The following PKNOX2 variants were observed in gnomAD, a reference collection of about 807,000 sequenced individuals.
PKNOX2 encodes the protein PBX/knotted 1 homeobox 2, also known as homeobox protein PKNOX2.
In PKNOX2, 14 loss-of-function variants were observed where a neutral mutation model predicts 53.1. That is an observed-to-expected ratio of 0.26 (90% CI 0.17 to 0.41). The LOEUF (loss-of-function observed/expected upper bound fraction) is 0.41, where lower values mean the gene tolerates loss of function less well. Ranked by LOEUF, PKNOX2 falls within the 10% of genes least tolerant of loss-of-function variation. The pLI, the probability that PKNOX2 is intolerant of heterozygous loss-of-function variation, is 1.00. For synonymous variants in PKNOX2, 257 were observed against 242.8 expected, an observed-to-expected ratio of 1.06 and a Z score of -0.54; for missense variants, 496 against 602.8, an observed-to-expected ratio of 0.82 and a Z score of 1.85.
intron 3 of PKNOX2, among the ~76,000 whole-genome samples, chr11:125,333,347 C>T (rs999064345): frequency 2.0e-5 from 3 of 151,968 alleles, no homozygotes; most frequent in Non-Finnish European, 4.4e-5. Context: ...GGAGTCCAAA[C>T]AAGCCAGTCT....
chr11:125,237,647 A>C (rs1039808388), intron 2 of PKNOX2, among the ~76,000 whole-genome samples: 1 of 152,138 alleles, frequency 6.6e-6, no homozygotes, highest in Non-Finnish European at 1.5e-5. Context: ...AATTCACAGA[A>C]TGTTTGAGTC....
At chr11:125,258,812 C>G (rs1306084036) in intron 2 of PKNOX2, 2 of 315,652 alleles carry the variant, frequency 6.3e-6, no homozygotes, top group East Asian at 1.2e-4. Flanking sequence ...CCCAAGTCCT[C>G]TTTAACCCAA....
intron 2 of PKNOX2, among the ~76,000 whole-genome samples, chr11:125,304,657 A>C (rs930085773): frequency 2.0e-5 from 3 of 152,338 alleles, no homozygotes; most frequent in African/African-American, 7.2e-5. Context: ...AAAAGCCCAT[A>C]AGCCCTGAGC....
chr11:125,373,570 TG>T (rs1294452022), intron 5 of PKNOX2, among the ~76,000 whole-genome samples: 1 of 152,224 alleles, frequency 6.6e-6, no homozygotes, highest in Non-Finnish European at 1.5e-5. Flanking sequence ...CCACATTCTG[TG>T]GGTGTCAGCC....
intron 2 of PKNOX2, among the ~76,000 whole-genome samples, chr11:125,273,164 A>G: frequency 6.6e-6 from 1 of 152,258 alleles, no homozygotes; most frequent in Non-Finnish European, 1.5e-5. Context: ...AGGCAGGCTC[A>G]GAGTTCAGGG....
chr11:125,271,731 A>G (rs1011519917), intron 2 of PKNOX2, among the ~76,000 whole-genome samples: 2 of 151,496 alleles, frequency 1.3e-5, no homozygotes, highest in African/African-American at 4.9e-5. Flanking sequence ...AAAAAAAAAA[A>G]TCCCCCAGGG....
At chr11:125,182,218 T>TC (rs1278575989) in intron 1 of PKNOX2, among the ~76,000 whole-genome samples, 1 of 152,026 alleles carries the variant, frequency 6.6e-6, no homozygotes, top group Non-Finnish European at 1.5e-5. Context: ...GTTTCTGTGG[T>TC]CCCCCCAGTC....
chr11:125,389,182 A>C (rs1953860747), intron 6 of PKNOX2, among the ~76,000 whole-genome samples: 1 of 150,610 alleles, frequency 6.6e-6, no homozygotes, highest in African/African-American at 2.5e-5. Context: ...GCAGCAAAGT[A>C]AGACTCCATT....
intron 3 of PKNOX2, among the ~76,000 whole-genome samples, chr11:125,346,398 C>G (rs1372808552): frequency 6.6e-6 from 1 of 152,196 alleles, no homozygotes; most frequent in Non-Finnish European, 1.5e-5. Flanking sequence ...AAAGGCTTCC[C>G]GAATGTTCTG....
chr11:125,248,330 G>C (rs1369921012), intron 2 of PKNOX2, among the ~76,000 whole-genome samples: 1 of 152,110 alleles, frequency 6.6e-6, no homozygotes, highest in South Asian at 2.1e-4. Context: ...ATTCTGCTTG[G>C]TATACTGAGC....
chr11:125,419,787 T>G lies in PKNOX2; in HGVS notation c.936+7922T>G, dbSNP rs530657741. 2.6e-5 allele frequency among the ~76,000 whole-genome samples: 4 copies of G among 151,458 alleles called. No homozygotes were observed. In the South Asian group the frequency reaches 8.3e-4, roughly 32 times the overall value. ...CAGGCACAGTGATAATCCCAGCACT[T>G]TAGGAGGCCAAGGCGGGAGGATTGC... On this transcript the variant is annotated intron_variant, in intron 10 of 12. Coordinates refer to ENST00000298282, the MANE Select transcript of PKNOX2 (RefSeq NM_001382323.2).
intron 2 of PKNOX2, among the ~76,000 whole-genome samples, chr11:125,280,407 C>A (rs1446457942): frequency 6.6e-6 from 1 of 152,022 alleles, no homozygotes; most frequent in Non-Finnish European, 1.5e-5. Context: ...GAGATGGGAG[C>A]CCTGGTCATC....
At chr11:125,243,718 G>T (rs2135620354) in intron 2 of PKNOX2, among the ~76,000 whole-genome samples, 1 of 151,936 alleles carries the variant, frequency 6.6e-6, no homozygotes, top group South Asian at 2.1e-4. Flanking sequence ...CGCCTCTTTG[G>T]TTCATGCCGT....
intron 2 of PKNOX2, among the ~76,000 whole-genome samples, chr11:125,294,399 C>A (rs1228936605): frequency 6.6e-6 from 1 of 152,058 alleles, no homozygotes; most frequent in Non-Finnish European, 1.5e-5. Context: ...AGAGAGGAAC[C>A]CAATTCAGCA....
chr11:125,391,775 A>T (rs951958388), intron 6 of PKNOX2, among the ~76,000 whole-genome samples: 14 of 152,188 alleles, frequency 9.2e-5, no homozygotes, highest in African/African-American at 3.1e-4. Flanking sequence ...GGGCTGAATC[A>T]TTATTTTGAA....
At chr11:125,317,936 A>T (rs902361069) in intron 2 of PKNOX2, among the ~76,000 whole-genome samples, 2 of 152,168 alleles carry the variant, frequency 1.3e-5, no homozygotes, top group Non-Finnish European at 2.9e-5. Flanking sequence ...ACACTGAAAA[A>T]ATTTGTTGTT....
At chr11:125,206,886 G>C (rs1295527220) in intron 1 of PKNOX2, among the ~76,000 whole-genome samples, 6 of 152,094 alleles carry the variant, frequency 3.9e-5, no homozygotes, top group Admixed American at 3.3e-4. Flanking sequence ...GATGAACGTG[G>C]GCAAGACCAG....
intron 10 of PKNOX2, among the ~76,000 whole-genome samples, chr11:125,419,555 A>G (rs1956063857): frequency 6.6e-6 from 1 of 151,876 alleles, no homozygotes; most frequent in South Asian, 2.1e-4. Flanking sequence ...TACTGTCTGA[A>G]ATTCCACTTG....
intron 4 of PKNOX2, among the ~76,000 whole-genome samples, chr11:125,366,900 T>C (rs1214561432): frequency 1.3e-5 from 2 of 152,206 alleles, no homozygotes; most frequent in Non-Finnish European, 2.9e-5. Context: ...TATGTGCTAG[T>C]TGGAAGCTGG....
Sources: gnomAD v4.1 joint callset for allele counts (sites outside exome capture counted in the v4.1 genomes callset) on GRCh38, gnomAD v4.1.1 for gene constraint, MANE v1.5 for transcripts, NCBI Gene and HGNC (gene_info 2026-07-23, HGNC 2026-07-21) for gene names.